Variants in PCDHGA4 observed in about 807,000 individuals in gnomAD.
PCDHGA4 encodes the protein protocadherin gamma subfamily A, 4.
In PCDHGA4, 38 loss-of-function variants were observed where a neutral mutation model predicts 54.6. The observed-to-expected ratio is 0.70, with a 90% CI of 0.54 to 0.91. PCDHGA4 has a LOEUF of 0.91. PCDHGA4 is among the 40% of genes least tolerant of loss of function. The pLI, the probability that PCDHGA4 is intolerant of heterozygous loss-of-function variation, is 0.00. For synonymous variants in PCDHGA4, 511 were observed against 512.9 expected (o/e 1.00, Z 0.05); for missense variants, 1,298 against 1,220.9 (o/e 1.06, Z -0.94).
chr5:141,418,666 G>C, intron 1 of PCDHGA4: 1 of 1,614,038 alleles, frequency 6.2e-7, no homozygotes, highest in Non-Finnish European at 8.5e-7. Context: ...CCACTGACCA[G>C]GACGAGGGCA....
At chr5:141,468,774 G>A (rs1229480462) in intron 1 of PCDHGA4, among the ~76,000 whole-genome samples, 4 of 152,028 alleles carry the variant, frequency 2.6e-5, no homozygotes, top group Non-Finnish European at 4.4e-5. Flanking sequence ...GCTGAGGCAG[G>A]AGAATGGCGT....
At chr5:141,502,697 T>C (rs893610041) in intron 2 of PCDHGA4, among the ~76,000 whole-genome samples, 13 of 152,208 alleles carry the variant, frequency 8.5e-5, no homozygotes, top group African/African-American at 3.1e-4. Context: ...CTTGCCTGTA[T>C]CTGTTTTTAC....
chr5:141,365,052 T>C (rs1179156267), intron 1 of PCDHGA4: 13 of 1,613,872 alleles, frequency 8.1e-6, no homozygotes, highest in Middle Eastern at 1.6e-4. Flanking sequence ...AATGCGCCCC[T>C]GTTCACCCCA....
At chr5:141,362,406 C>T in intron 1 of PCDHGA4, 1 of 1,614,032 alleles carries the variant, frequency 6.2e-7, no homozygotes, top group South Asian at 1.1e-5. Context: ...TGTGTGTTGC[C>T]TCACAATCAG....
chr5:141,389,669 C>T (rs747451761), intron 1 of PCDHGA4: 14 of 1,612,326 alleles, frequency 8.7e-6, no homozygotes, highest in Non-Finnish European at 9.3e-6. Flanking sequence ...TGGACGCAGA[C>T]TCAGGACACA....
intron 1 of PCDHGA4, chr5:141,418,485 A>T: frequency 6.2e-7 from 1 of 1,614,028 alleles, no homozygotes; most frequent in Non-Finnish European, 8.5e-7. Flanking sequence ...AGCGCTCACC[A>T]CTTGGTACTG....
intron 1 of PCDHGA4, among the ~76,000 whole-genome samples, chr5:141,458,513 G>GTT (rs537551567): frequency 7.5e-5 from 11 of 146,196 alleles, no homozygotes; most frequent in African/African-American, 2.2e-4. Flanking sequence ...TTGACACTTT[G>GTT]TTTTTTTTTT....
At chr5:141,382,129 C>T (rs1174612163) in intron 1 of PCDHGA4, among the ~76,000 whole-genome samples, 2 of 152,012 alleles carry the variant, frequency 1.3e-5, no homozygotes, top group African/African-American at 2.4e-5. Flanking sequence ...CACCTGGCCC[C>T]CCCTCTCATT....
intron 1 of PCDHGA4, chr5:141,393,025 G>A (rs1307917992): frequency 6.2e-7 from 1 of 1,613,864 alleles, no homozygotes; most frequent in Non-Finnish European, 8.5e-7. Flanking sequence ...TCCAGAGGTA[G>A]GACGCAGCTC....
chr5:141,423,674 C>G (rs57195665), intron 1 of PCDHGA4: 15 of 1,514,742 alleles, frequency 9.9e-6, no homozygotes, highest in African/African-American at 2.9e-5. Flanking sequence ...AGATTTATTT[C>G]TCTGCCTCCT....
chr5:141,400,051 G>T, intron 1 of PCDHGA4: 1 of 1,613,762 alleles, frequency 6.2e-7, no homozygotes. Context: ...GCTGGTTGCT[G>T]TGCGTGATGG....
In PCDHGA4 at chr5:141,493,164, T is replaced by C. The variant is rs558860783; in HGVS notation, c.2515-1643T>C. Among the ~76,000 whole-genome samples the C allele has an allele frequency of 4.6e-5, 7 of 152,340 alleles. 1 individual carries two copies. The South Asian group carries it at 1.2e-3, about 27-fold the overall frequency. On this transcript the variant is annotated intron_variant, in intron 1 of 3. Coordinates refer to ENST00000571252, the MANE Select transcript of PCDHGA4 (RefSeq NM_018917.4). The surrounding 1 kb of genome is among the most constrained non-coding windows in gnomAD (Gnocchi z 4.3). Reference sequence around the variant, plus strand: ...ACCCCCAGGTGATTTTGATAGCTGATTGAGAGAAACTTACTATATAACTCC... The same window carrying C: ...ACCCCCAGGTGATTTTGATAGCTGACTGAGAGAAACTTACTATATAACTCC...
At chr5:141,366,469 G>T (rs575828819) in intron 1 of PCDHGA4, 4 of 1,614,256 alleles carry the variant, frequency 2.5e-6, no homozygotes, top group Admixed American at 1.7e-5. Context: ...TGCTGCTGGT[G>T]CTCAGACTGA....
Position 141,365,562 on chromosome 5 carries a change from A to C in PCDHGA4, c.2514+7941A>C, listed in dbSNP as rs200032836. On this transcript the variant is annotated intron_variant, in intron 1 of 3. Transcript: ENST00000571252. ...CACCTATTAACAACTAGGGACCTGG[A>C]CAGAGAAGAGACTTCAGATTATAAT... The C allele has an allele frequency of 6.2e-4, 1,002 of 1,613,762 alleles. 1 individual carries two copies. Among genetic ancestry groups the C allele is most frequent in the Non-Finnish European group, 7.3e-4 (867 of 1,179,898 alleles).
At chr5:141,417,993 C>T (rs753867006) in intron 1 of PCDHGA4, 11 of 1,613,830 alleles carry the variant, frequency 6.8e-6, no homozygotes, top group Non-Finnish European at 7.6e-6. Flanking sequence ...GCCAAGGGCT[C>T]GGTGGTGGGG....
At position 141,477,591 on chromosome 5, in the gene PCDHGA4, T is replaced by C; in HGVS notation, c.2515-17216T>C. On this transcript the variant is annotated intron_variant, in intron 1 of 3. Coordinates refer to ENST00000571252, the MANE Select transcript of PCDHGA4 (RefSeq NM_018917.4). This position sits in a 1 kb window ranked among gnomAD's most constrained non-coding sequence, Gnocchi z 4.9. Reference sequence around the variant, plus strand: ...CCCGACGCCCCGCAGAATGCTCGGCTTTCTTTCTTTCTCTTGGAGCAAGGA... The same window carrying C: ...CCCGACGCCCCGCAGAATGCTCGGCCTTCTTTCTTTCTCTTGGAGCAAGGA... The C allele has an allele frequency of 6.2e-7, 1 of 1,614,136 alleles. No homozygotes were observed. The highest frequency in any genetic ancestry group is 8.5e-7 in the Non-Finnish European group (1 of 1,180,016).
rs926009065 is a variant in PCDHGA4, at chr5:141,488,023, AG to A, written c.2515-6782del. ...TCAGATTCTGAAGTACCTTAACTCT[AG>A]GTTACCATTTCCCAAGGGATTGAGG... On this transcript the variant is annotated intron_variant, in intron 1 of 3. Transcript: ENST00000571252. 1.4e-3 allele frequency among the ~76,000 whole-genome samples: 213 copies of A among 152,260 alleles called. 1 individual carries two copies. The highest frequency in any genetic ancestry group is 5.0e-3 in the African/African-American group (208 of 41,542).
Position 141,463,438 on chromosome 5 carries a change from CTTTTTTTTT to C in PCDHGA4, c.2515-31349_2515-31341del, listed in dbSNP as rs71576115. 5.5e-3 allele frequency among the ~76,000 whole-genome samples: 572 copies of C among 103,208 alleles called. 4 individuals carry two copies. The highest frequency in any genetic ancestry group is 8.7e-3 in the Non-Finnish European group (462 of 53,292). The allele number at this position is 103,208 out of a possible 152,430, so 67.7% of individuals were successfully genotyped here. On this transcript the variant is annotated intron_variant, in intron 1 of 3. Transcript: ENST00000571252. ...GTTTGCGGATCCTCATTTCCTTCTC[CTTTTTTTTT>C]TTTTTTTTTTTTTTTTTTTGAGATG...
At chr5:141,392,791 G>C in intron 1 of PCDHGA4, 6 of 1,557,838 alleles carry the variant, frequency 3.9e-6, no homozygotes, top group Admixed American at 2.0e-5. Context: ...AAGATTCTGA[G>C]AGGATTCTGC....
Sources: gnomAD v4.1 joint callset for allele counts (sites outside exome capture counted in the v4.1 genomes callset) on GRCh38, gnomAD v4.1.1 for gene constraint, Gnocchi (gnomAD v3.1) non-coding constraint, MANE v1.5 for transcripts, NCBI Gene and HGNC (gene_info 2026-07-23, HGNC 2026-07-21) for gene names.